KIF1A: variants seen among roughly 807,000 people sequenced by gnomAD.
KIF1A encodes kinesin-like protein KIF1A.
Under a neutral mutation model 227.3 loss-of-function variants are expected in KIF1A, and 46 were observed. That is an observed-to-expected ratio of 0.20 (90% CI 0.16 to 0.26). KIF1A has a LOEUF of 0.26. Among genes scored for constraint, KIF1A ranks in the 10% least tolerant of loss-of-function variants. The pLI, the probability that KIF1A is intolerant of heterozygous loss-of-function variation, is 1.00. For synonymous variants in KIF1A, 1,022 were observed against 1,012.8 expected (o/e 1.01, Z -0.17); for missense variants, 1,683 against 2,485.9 (o/e 0.68, Z 6.87).
rs2055218979 is a variant in KIF1A, at chr2:240,788,424, T to G, written c.184-194A>C. Among the ~76,000 whole-genome samples the G allele has an allele frequency of 6.6e-6, 1 of 152,056 alleles. No individual in the cohort carries two copies. The highest frequency in any genetic ancestry group is 1.5e-5 in the Non-Finnish European group (1 of 68,000). On this transcript the variant is annotated intron_variant, in intron 3 of 48. Transcript: ENST00000498729. This position sits in a 1 kb window ranked among gnomAD's most constrained non-coding sequence, Gnocchi z 6.6. ...GAGGAGAAGCCCTCTGTGTCACAGA[T>G]GCGGGATGAAGAGCGGCCAGCCAGG...
chr2:240,819,196 G>A (rs557773493), intron 1 of KIF1A, among the ~76,000 whole-genome samples: 71 of 152,284 alleles, frequency 4.7e-4, no homozygotes, highest in African/African-American at 1.6e-3. Context: ...CGGCTGGTTT[G>A]GGGGAAGTCA....
chr2:240,757,715 G>C lies in KIF1A; in HGVS notation c.2583-121C>G. ...ACCAAAACCAAACACACAGACCATC[G>C]AGAATGCTGCTTTAAAAGATGAGAG... On this transcript the variant is annotated intron_variant, in intron 26 of 48. Coordinates refer to ENST00000498729, the MANE Select transcript of KIF1A (RefSeq NM_001244008.2). This position sits in a 1 kb window ranked among gnomAD's most constrained non-coding sequence, Gnocchi z 6.2. The C allele has an allele frequency of 1.1e-6, 1 of 916,912 alleles. No individual in the cohort carries two copies. The highest frequency in any genetic ancestry group is 1.8e-5 in the South Asian group (1 of 56,880). 56.8% of individuals were successfully genotyped at this position (916,912 alleles called of 1,614,324 possible). A position where few individuals can be genotyped will look rare whatever the true frequency, so the allele number is the denominator to read the frequency against.
At chr2:240,816,464 G>A (rs892839290) in intron 1 of KIF1A, among the ~76,000 whole-genome samples, 1 of 152,080 alleles carries the variant, frequency 6.6e-6, no homozygotes, top group Non-Finnish European at 1.5e-5. Flanking sequence ...GGCACTGTGG[G>A]GAGGGGTGAG....
In KIF1A at chr2:240,740,015, A is replaced by G. The variant is rs1204133119; in HGVS notation, c.3901+43T>C. On this transcript the variant is annotated intron_variant, in intron 37 of 48. Coordinates refer to ENST00000498729, the MANE Select transcript of KIF1A (RefSeq NM_001244008.2). The surrounding 1 kb of genome is among the most constrained non-coding windows in gnomAD (Gnocchi z 6.1). ...GCTCAGGGCCTGTACTCTTCCCACC[A>G]GCTCAGCCCCACCCACCAAGGCAGC... 5 of 1,490,538 alleles carry G rather than the reference A, an allele frequency of 3.4e-6. No individual in the cohort carries two copies. The highest frequency in any genetic ancestry group is 1.9e-5 in the Admixed American group (1 of 51,448). The allele number at this position is 1,490,538 out of a possible 1,614,324, so 92.3% of individuals were successfully genotyped here.
intron 4 of KIF1A, among the ~76,000 whole-genome samples, 163 bp downstream of exon 4, chr2:240,787,888 G>A (rs567742601): frequency 1.3e-5 from 2 of 152,056 alleles, no homozygotes; most frequent in African/African-American, 4.8e-5. Flanking sequence ...AGCCACATCT[G>A]GCTCTCACCT....
rs573718173 is a variant in KIF1A, at chr2:240,719,265, A to G, written c.5022-67T>C. The G allele has an allele frequency of 4.5e-5, 68 of 1,523,062 alleles. No homozygotes were observed. In the East Asian group the frequency reaches 7.3e-4, roughly 16 times the overall value. The allele number at this position is 1,523,062 out of a possible 1,614,324, so 94.3% of individuals were successfully genotyped here. ...GCAGCGACTGACTCGGGCACTCACC[A>G]TCTACCACCCAGAGCTGGGACGCAG... On this transcript the variant is annotated intron_variant, in intron 46 of 48. Transcript: ENST00000498729.
rs540048579 is a variant in KIF1A at position 240,793,931 on chromosome 2, G to A, written c.106+3716C>T. Among the ~76,000 whole-genome samples the A allele has an allele frequency of 9.5e-4, 144 of 152,230 alleles. No homozygotes were observed. The highest frequency in any genetic ancestry group is 3.3e-3 in the African/African-American group (135 of 41,536). Reference sequence around the variant, plus strand: ...CCCCGCACAGTCCCCGCCATCTTCCGAGGGGCCTGGCACACCAGCCAGGGC... The same window carrying A: ...CCCCGCACAGTCCCCGCCATCTTCCAAGGGGCCTGGCACACCAGCCAGGGC... On this transcript the variant is annotated intron_variant, in intron 2 of 48. Coordinates refer to ENST00000498729, the MANE Select transcript of KIF1A (RefSeq NM_001244008.2). The surrounding 1 kb of genome is among the most constrained non-coding windows in gnomAD (Gnocchi z 4.8).
intron 38 of KIF1A, among the ~76,000 whole-genome samples, chr2:240,727,263 A>T (rs776728657): frequency 6.6e-6 from 1 of 152,026 alleles, no homozygotes; most frequent in Non-Finnish European, 1.5e-5. Flanking sequence ...GCAGAGAGGG[A>T]AGGGAGGAGG....
At chr2:240,817,446 G>C (rs1345378977) in intron 1 of KIF1A, among the ~76,000 whole-genome samples, 1 of 152,184 alleles carries the variant, frequency 6.6e-6, no homozygotes, top group South Asian at 2.1e-4. Context: ...AGACAACCAC[G>C]TGCTCATCCT....
chr2:240,766,749 T>TCTCTCTCTCTCTCA lies in KIF1A; in HGVS notation c.1684+165_1684+166insTGAGAGAGAGAGAG, dbSNP rs1454271542. Among the ~76,000 whole-genome samples the TCTCTCTCTCTCTCA allele has an allele frequency of 1.2e-4, 13 of 109,024 alleles. No homozygotes were observed. Among genetic ancestry groups the TCTCTCTCTCTCTCA allele is most frequent in the Middle Eastern group, 0.011 (2 of 178 alleles). 71.5% of individuals were successfully genotyped at this position (109,024 alleles called of 152,430 possible). A position where few individuals can be genotyped will look rare whatever the true frequency, so the allele number is the denominator to read the frequency against. On this transcript the variant is annotated intron_variant, in intron 19 of 48. Transcript: ENST00000498729. The surrounding 1 kb of genome is among the most constrained non-coding windows in gnomAD (Gnocchi z 5.0). ...CTCTCTCTCTCTCTCTCTCTCTCTC[T>TCTCTCTCTCTCTCA]CACACACACACACACACACACACAC...
intron 11 of KIF1A, 145 bp from the exon 12 acceptor site, chr2:240,774,406 C>T (rs2052478310): frequency 4.6e-6 from 2 of 437,436 alleles, no homozygotes; most frequent in African/African-American, 2.2e-5. Flanking sequence ...CCCCCCCACC[C>T]CCACCCCATG....
Position 240,718,158 on chromosome 2 carries a change from G to A in KIF1A, c.5225C>T (p.Thr1742Ile). The change falls in exon 48 of 49, where the codon ACA becomes ATA. Residue 1742 changes from threonine (T) to isoleucine (I), a missense_variant. Physicochemically the swap from Thr to Ile is moderately conservative, Grantham distance 89. Transcript: ENST00000498729. Reference protein sequence around the residue: ...DQQAMLKTPNTFAVCTEHRGI... With the variant: ...DQQAMLKTPNIFAVCTEHRGI... ...GCGGTGTTCCGTGCACACCGCGAAT[G>A]TGTTGGGTGTCTGCAGAGGGAGGCA... The A allele has an allele frequency of 6.2e-7, 1 of 1,603,008 alleles. No individual in the cohort carries two copies. The highest frequency in any genetic ancestry group is 8.5e-7 in the Non-Finnish European group (1 of 1,175,190).
In KIF1A at chr2:240,741,289, A is replaced by G; in HGVS notation, c.3729T>C (p.Cys1243=). The stretch of plus-strand genomic sequence containing the variant: ...CTCACTCGCCGTTGGCCTCCAGCTC[A>G]CAGATCTCGAAGTAGACCAGCAGGT... ...KYDLLVYFEI[C]ELEANGDYIP... The change falls in exon 35 of 49, where the codon TGT becomes TGC. Residue 1243 remains cysteine (C), a synonymous_variant. Transcript: ENST00000498729. 6.3e-7 allele frequency: 1 copy of G among 1,597,050 alleles called. No homozygotes were observed.
At chr2:240,770,725 G>A (rs994457526) in intron 15 of KIF1A, among the ~76,000 whole-genome samples, 16 of 152,244 alleles carry the variant, frequency 1.1e-4, no homozygotes, top group Non-Finnish European at 2.2e-4. Flanking sequence ...TTCCTGCCCA[G>A]CAGCTGAGTG....
intron 1 of KIF1A, among the ~76,000 whole-genome samples, chr2:240,801,767 C>T (rs921555675): frequency 3.3e-5 from 5 of 152,174 alleles, no homozygotes; most frequent in East Asian, 1.9e-4. Context: ...GGCAAGAAGG[C>T]GTCTAGGAGC....
At chr2:240,810,841 C>T (rs150194890) in intron 1 of KIF1A, among the ~76,000 whole-genome samples, 33 of 152,276 alleles carry the variant, frequency 2.2e-4, no homozygotes, top group Middle Eastern at 6.8e-3. Flanking sequence ...GCCATGGTGA[C>T]GTGGAAGGAC....
rs2055180769 is a variant in KIF1A at position 240,788,096 on chromosome 2, G to A, written c.318C>T (p.Thr106=). The change falls in exon 4 of 49, where the codon ACC becomes ACT. Residue 106 remains threonine (T), a synonymous_variant. Transcript: ENST00000498729. This position sits in a 1 kb window ranked among gnomAD's most constrained non-coding sequence, Gnocchi z 6.6. ...YGQTGAGKSY[T]MMGKQEKDQQ... Reference sequence around the variant, plus strand: ...GGTCCTTCTCCTGCTTGCCCATCATGGTGTAGGACTTGCCGGCACCCGTCT... The same window carrying A: ...GGTCCTTCTCCTGCTTGCCCATCATAGTGTAGGACTTGCCGGCACCCGTCT... 2 of 1,591,670 alleles carry A rather than the reference G, an allele frequency of 1.3e-6. No individual in the cohort carries two copies. The highest frequency in any genetic ancestry group is 1.7e-6 in the Non-Finnish European group (2 of 1,168,836).
chr2:240,743,424 C>T (rs1342430416), intron 33 of KIF1A, among the ~76,000 whole-genome samples: 1 of 152,188 alleles, frequency 6.6e-6, no homozygotes, highest in Non-Finnish European at 1.5e-5. Flanking sequence ...TCGGCTTGGC[C>T]CAGGGTAGAC....
chr2:240,729,769 C>A (rs561096176), intron 38 of KIF1A, among the ~76,000 whole-genome samples: 3 of 152,354 alleles, frequency 2.0e-5, no homozygotes, highest in Non-Finnish European at 4.4e-5. Flanking sequence ...GTGGTGGAGT[C>A]TCACCTGTGA....
Sources: gnomAD v4.1 joint callset for allele counts (sites outside exome capture counted in the v4.1 genomes callset) on GRCh38, gnomAD v4.1.1 for gene constraint, Gnocchi (gnomAD v3.1) non-coding constraint, MANE v1.5 for transcripts, NCBI Gene and HGNC (gene_info 2026-07-23, HGNC 2026-07-21) for gene names.